Variants in MYH10 observed in about 807,000 individuals in gnomAD.
The protein encoded by MYH10 is myosin-10.
A neutral mutation model predicts 257.8 loss-of-function variants in MYH10; 55 were observed. The ratio of observed to expected loss-of-function variants is 0.21; its 90% CI spans 0.17 to 0.27. The LOEUF (loss-of-function observed/expected upper bound fraction) is 0.27, where lower values mean the gene tolerates loss of function less well. Ranked by LOEUF, MYH10 falls within the 10% of genes least tolerant of loss-of-function variation. The pLI is 1.00. For synonymous variants in MYH10, 854 were observed against 921.7 expected, an observed-to-expected ratio of 0.93 and a Z score of 1.33; for missense variants, 1,631 against 2,500.6, an observed-to-expected ratio of 0.65 and a Z score of 7.42.
intron 21 of MYH10, 26 bp from the exon 22 acceptor site, chr17:8,513,920 G>A (rs1451320237): frequency 6.3e-7 from 1 of 1,592,656 alleles, no homozygotes; most frequent in Admixed American, 1.8e-5. Flanking sequence ...AAAAACTTAT[G>A]ATGTAAAGAA....
At chr17:8,605,565 GAAACCCTGTCTCTACTA>G (rs1424594319) in intron 2 of MYH10, among the ~76,000 whole-genome samples, 4 of 152,086 alleles carry the variant, frequency 2.6e-5, no homozygotes, top group Non-Finnish European at 5.9e-5. Flanking sequence ...CCAAGATGGT[GAAACCCTGTCTCTACTA>G]AAAATACAAA....
intron 21 of MYH10, among the ~76,000 whole-genome samples, chr17:8,517,741 G>A (rs2081515706): frequency 6.6e-6 from 1 of 152,168 alleles, no homozygotes; most frequent in Non-Finnish European, 1.5e-5. Context: ...GGCCTTGACA[G>A]TATAGATTCC....
At chr17:8,547,739 T>G (rs941130628) in intron 11 of MYH10, among the ~76,000 whole-genome samples, 2 of 145,692 alleles carry the variant, frequency 1.4e-5, no homozygotes, top group African/African-American at 5.1e-5. Flanking sequence ...TATATATGTA[T>G]ATTATATATA....
At chr17:8,618,134 A>T (rs974963397) in intron 2 of MYH10, among the ~76,000 whole-genome samples, 2 of 152,236 alleles carry the variant, frequency 1.3e-5, no homozygotes, top group African/African-American at 4.8e-5. Flanking sequence ...AAGAAAAGCA[A>T]AGCAGACTTA....
At chr17:8,579,329 C>T (rs268456) in intron 4 of MYH10, among the ~76,000 whole-genome samples, 104,475 of 151,782 alleles carry the variant, frequency 0.69, 36,024 homozygotes, top group East Asian at 0.77. Context: ...TTAAATTTTT[C>T]GGTAGTTTAC....
intron 35 of MYH10, among the ~76,000 whole-genome samples, chr17:8,488,868 C>T (rs2151807385): frequency 6.6e-6 from 1 of 152,114 alleles, no homozygotes; most frequent in East Asian, 1.9e-4. Context: ...TAATGTAGAG[C>T]CACTTACATG....
At chr17:8,593,305 C>T (rs1208689731) in intron 3 of MYH10, among the ~76,000 whole-genome samples, 1 of 151,924 alleles carries the variant, frequency 6.6e-6, no homozygotes, top group Non-Finnish European at 1.5e-5. Context: ...CTCACCACTC[C>T]TATTCAACGC....
At chr17:8,517,348 C>T (rs1264925308) in intron 21 of MYH10, among the ~76,000 whole-genome samples, 1 of 152,142 alleles carries the variant, frequency 6.6e-6, no homozygotes, top group African/African-American at 2.4e-5. Flanking sequence ...AAGCAGACTG[C>T]CCAGGAACCA....
At chr17:8,610,478 AAG>A (rs946236723) in intron 2 of MYH10, among the ~76,000 whole-genome samples, 7 of 152,096 alleles carry the variant, frequency 4.6e-5, no homozygotes, top group Middle Eastern at 3.4e-3. Flanking sequence ...AGGGGAGAGA[AAG>A]AGATTAAAAG....
chr17:8,616,608 T>A (rs145980497), intron 2 of MYH10, among the ~76,000 whole-genome samples: 37 of 151,882 alleles, frequency 2.4e-4, no homozygotes, highest in Middle Eastern at 3.4e-3. Context: ...CAAAGAAAAC[T>A]ATAAAACAAT....
chr17:8,478,090 T>G (rs914558999), intron 41 of MYH10, among the ~76,000 whole-genome samples: 9 of 152,148 alleles, frequency 5.9e-5, no homozygotes, highest in African/African-American at 2.2e-4. Context: ...GAAGCACACA[T>G]TCTAGTGGAG....
rs1428313302 is a variant in MYH10 at position 8,513,821 on chromosome 17, A to G, written c.2578T>C (p.Leu860=). ...ACTCGCCACCACTGCCAGTGCCGTA[A>G]TTTCAGGTACGCGGCACAGTTCCGC... ...LQRNCAAYLK[L]RHWQWWRVFT... The change falls in exon 22 of 43, where the codon TTA becomes CTA. Residue 860 remains leucine, a synonymous_variant. Transcript: ENST00000360416. 1 of 1,614,204 alleles carries G rather than the reference A, an allele frequency of 6.2e-7. No individual in the cohort carries two copies. The highest frequency in any genetic ancestry group is 8.5e-7 in the Non-Finnish European group (1 of 1,180,032).
At chr17:8,609,552 ATATAG>A (rs1343719855) in intron 2 of MYH10, among the ~76,000 whole-genome samples, 1 of 152,254 alleles carries the variant, frequency 6.6e-6, no homozygotes, top group Non-Finnish European at 1.5e-5. Flanking sequence ...CTGTAACAGA[ATATAG>A]TATAACATAG....
In MYH10 at chr17:8,490,022, A is replaced by G. The variant is rs1425663699; in HGVS notation, c.4884+318T>C. Reference sequence around the variant, plus strand: ...GAATCACCGTGTCTGGGATGCATCAATTCTTTCCTATACCCATGTTCTAAG... The same window carrying G: ...GAATCACCGTGTCTGGGATGCATCAGTTCTTTCCTATACCCATGTTCTAAG... On this transcript the variant is annotated intron_variant, in intron 35 of 42. Coordinates refer to ENST00000360416, the MANE Select transcript of MYH10 (RefSeq NM_001256012.3). This position sits in a 1 kb window ranked among gnomAD's most constrained non-coding sequence, Gnocchi z 4.1. Among the ~76,000 whole-genome samples the G allele has an allele frequency of 6.6e-6, 1 of 152,168 alleles. No homozygotes were observed. The highest frequency in any genetic ancestry group is 2.4e-5 in the African/African-American group (1 of 41,418).
chr17:8,624,869 C>A (rs970265829), intron 1 of MYH10, among the ~76,000 whole-genome samples: 18 of 152,282 alleles, frequency 1.2e-4, no homozygotes, highest in Middle Eastern at 3.4e-3. Context: ...GCCTGGGCAA[C>A]ATAGCAAGAT....
intron 16 of MYH10, among the ~76,000 whole-genome samples, chr17:8,533,251 A>AG (rs1312206640): frequency 6.6e-6 from 1 of 152,144 alleles, no homozygotes; most frequent in Non-Finnish European, 1.5e-5. Flanking sequence ...TACTGATGCT[A>AG]TTTATTCAGC....
intron 17 of MYH10, among the ~76,000 whole-genome samples, chr17:8,521,982 A>G (rs2081668371): frequency 6.6e-6 from 1 of 152,258 alleles, no homozygotes; most frequent in African/African-American, 2.4e-5. Flanking sequence ...CTTGTCAGAC[A>G]TTCCCTTGTT....
chr17:8,513,880 T>C lies in MYH10; in HGVS notation c.2519A>G (p.Lys840Arg). 6.2e-7 allele frequency: 1 copy of C among 1,614,138 alleles called. No homozygotes were observed. Among genetic ancestry groups the C allele is most frequent in the Non-Finnish European group, 8.5e-7 (1 of 1,179,970 alleles). Residue 840 changes from lysine to arginine, a missense_variant, in exon 22 of 43, where the codon AAG becomes AGG. Around this residue, in one of 11 missense-constraint regions of MYH10, gnomAD observed 116 missense variants for 221.6 expected, o/e 0.52. Coordinates refer to ENST00000360416, the MANE Select transcript of MYH10 (RefSeq NM_001256012.3). ...GYLARKAFAKKQQQLSALKVL... is the reference protein window; with the variant it reads ...GYLARKAFAKRQQQLSALKVL... ...CTTTAAGGCACTTAGTTGCTGCTGC[T>C]TCTTGGCAAAGGCCCTGAAGAACAA...
chr17:8,514,292 G>A (rs79519759), intron 21 of MYH10, among the ~76,000 whole-genome samples: 1,889 of 152,238 alleles, frequency 0.012, 33 homozygotes, highest in African/African-American at 0.043. Context: ...AGCTACTCTC[G>A]TTTTCCTTTT....
Sources: allele counts gnomAD v4.1 joint callset (sites outside exome capture counted in the v4.1 genomes callset), GRCh38; gene constraint gnomAD v4.1.1; regional missense constraint gnomAD v4.1.1; non-coding constraint Gnocchi (gnomAD v3.1); transcripts MANE v1.5; gene names NCBI Gene and HGNC (gene_info 2026-07-23, HGNC 2026-07-21).